Variants in HOXB6 observed in about 807,000 individuals in gnomAD.
The protein encoded by HOXB6 is homeobox B6.
Under a neutral mutation model 24.2 loss-of-function variants are expected in HOXB6, and 18 were observed. The ratio of observed to expected loss-of-function variants is 0.74; its 90% confidence interval spans 0.51 to 1.10. HOXB6 has a LOEUF of 1.10. Among genes scored for constraint, HOXB6 ranks in the 50% least tolerant of loss-of-function variants. HOXB6 has a pLI of 0.00. For missense variants in HOXB6, 332 were observed against 308.3 expected (o/e 1.08, Z -0.58); for synonymous variants, 159 against 139.1 (o/e 1.14, Z -1.01).
At chr17:48,601,287 A>AAAATATTTC (rs2070456153) in intron 2 of HOXB6, 1 of 152,120 alleles carries the variant, frequency 6.6e-6, no homozygotes, top group African/African-American at 2.4e-5. Context: ...TGTTTAGATG[A>AAAATATTTC]GACACTTTGC....
intron 2 of HOXB6, chr17:48,602,398 G>A (rs2070489817): frequency 2.7e-6 from 1 of 365,690 alleles, no homozygotes; most frequent in Admixed American, 3.6e-5. Flanking sequence ...GGTGGGGATG[G>A]CGGTGGGGGT....
In HOXB6 at chr17:48,596,824, C is replaced by A; in HGVS notation, c.416-152G>T. On this transcript the variant is annotated intron_variant, in intron 3 of 3. Transcript: ENST00000225648. This position sits in a 1 kb window ranked among gnomAD's most constrained non-coding sequence, Gnocchi z 4.8. ...CCGTTTCGCACTCCTCCAGCGCCCC[C>A]TCCAGATTCCCTCCTAGTCTCCTAG... 1 of 1,335,340 alleles carries A rather than the reference C, an allele frequency of 7.5e-7. No individual in the cohort carries two copies. The highest frequency in any genetic ancestry group is 1.0e-6 in the Non-Finnish European group (1 of 970,798). 82.7% of individuals were successfully genotyped at this position (1,335,340 alleles called of 1,614,324 possible).
In HOXB6 at chr17:48,598,184, C is replaced by A; in HGVS notation, c.-34G>T. The A allele has an allele frequency of 1.3e-6, 2 of 1,537,678 alleles. No individual in the cohort carries two copies. Among genetic ancestry groups the A allele is most frequent in the South Asian group, 1.2e-5 (1 of 80,148 alleles). On this transcript the variant is annotated 5_prime_UTR_variant, in exon 3 of 4. Coordinates refer to ENST00000225648, the MANE Select transcript of HOXB6 (RefSeq NM_018952.5). ...GAGGCGCGCGCGGCCGCTGCTGCTC[C>A]GCCGGGTTTATGATTTGTTGTGTTT...
intron 2 of HOXB6, among the ~76,000 whole-genome samples, chr17:48,600,011 T>A (rs893556471): frequency 5.9e-5 from 9 of 152,234 alleles, no homozygotes; most frequent in African/African-American, 2.2e-4. Context: ...TGGCTGTACC[T>A]TAATGGCAAA....
In HOXB6 at chr17:48,596,881, G is replaced by A. The variant is rs2070313146; in HGVS notation, c.416-209C>T. 2.4e-6 allele frequency: 3 copies of A among 1,229,518 alleles called. No individual in the cohort carries two copies. Among genetic ancestry groups the A allele is most frequent in the South Asian group, 1.6e-5 (1 of 64,028 alleles). The allele number at this position is 1,229,518 out of a possible 1,614,324, so 76.2% of individuals were successfully genotyped here. On this transcript the variant is annotated intron_variant, in intron 3 of 3. Coordinates refer to ENST00000225648, the MANE Select transcript of HOXB6 (RefSeq NM_018952.5). The surrounding 1 kb of genome is among the most constrained non-coding windows in gnomAD (Gnocchi z 4.8). ...GCCGTCTGTCTAGACTCTAGATGGG[G>A]GAGGGGAGGAGCAGTTTGAACTCCC...
chr17:48,598,697 G>A (rs578160757), intron 2 of HOXB6, among the ~76,000 whole-genome samples: 56 of 152,360 alleles, frequency 3.7e-4, no homozygotes, highest in Middle Eastern at 3.4e-3. Flanking sequence ...GAATCGCCTT[G>A]AGAGAGAACT....
chr17:48,602,337 C>T, intron 2 of HOXB6: 1 of 409,802 alleles, frequency 2.4e-6, no homozygotes, highest in Non-Finnish European at 4.9e-6. Flanking sequence ...ACAGCCTTGG[C>T]TTCGGATGTC....
Position 48,596,637 on chromosome 17 carries a change from G to C in HOXB6, c.451C>G (p.Gln151Glu). Residue 151 changes from glutamine (Q) to glutamate (E), a missense_variant, in exon 4 of 4, where the codon CAG becomes GAG. Gln to Glu is a conservative substitution (Grantham distance 29). Coordinates refer to ENST00000225648, the MANE Select transcript of HOXB6 (RefSeq NM_018952.5). The surrounding 1 kb of genome is among the most constrained non-coding windows in gnomAD (Gnocchi z 4.8). ...AGCGTCTGGTAACGTGTGTATGTCT[G>C]GCGGCCTCGCCGGCCGCTGGGCCCA... is the stretch of plus-strand genomic sequence containing the variant. ...SFGPSGRRGR[Q>E]TYTRYQTLEL... 6.2e-7 allele frequency: 1 copy of C among 1,613,952 alleles called. No individual in the cohort carries two copies. The highest frequency in any genetic ancestry group is 8.5e-7 in the Non-Finnish European group (1 of 1,180,038).
At chr17:48,600,079 G>GAT (rs2070421899) in intron 2 of HOXB6, among the ~76,000 whole-genome samples, 1 of 152,196 alleles carries the variant, frequency 6.6e-6, no homozygotes, top group Admixed American at 6.5e-5. Flanking sequence ...GGGAGTGTTT[G>GAT]ATAAGCATTT....
At chr17:48,598,544 C>T (rs573603029) in intron 2 of HOXB6, among the ~76,000 whole-genome samples, 1 of 152,210 alleles carries the variant, frequency 6.6e-6, no homozygotes, top group South Asian at 2.1e-4. Context: ...TAGATTGAGA[C>T]CACCCCACTC....
At position 48,596,552 on chromosome 17, in the gene HOXB6, A is replaced by G; in HGVS notation, c.536T>C (p.Ile179Thr). ...RYLTRRRRIE[I>T]AHALCLTERQ... ...CTCCGTCAGGCACAGGGCGTGCGCG[A>G]TCTCGATGCGCCGCCGCCGCGTCAG... Residue 179 changes from isoleucine to threonine, a missense_variant, in exon 4 of 4, where the codon ATC becomes ACC. Ile to Thr is a moderately conservative substitution (Grantham distance 89). Coordinates refer to ENST00000225648, the MANE Select transcript of HOXB6 (RefSeq NM_018952.5). This position sits in a 1 kb window ranked among gnomAD's most constrained non-coding sequence, Gnocchi z 4.8. 6.2e-7 allele frequency: 1 copy of G among 1,614,168 alleles called. No individual in the cohort carries two copies. The highest frequency in any genetic ancestry group is 8.5e-7 in the Non-Finnish European group (1 of 1,180,048).
At chr17:48,599,154 A>C (rs922565414) in intron 2 of HOXB6, among the ~76,000 whole-genome samples, 1 of 152,218 alleles carries the variant, frequency 6.6e-6, no homozygotes, top group Non-Finnish European at 1.5e-5. Context: ...GGTATCCCTC[A>C]GCCTAGGTGG....
chr17:48,602,654 C>T (rs1417116884), intron 2 of HOXB6: 1 of 171,222 alleles, frequency 5.8e-6, no homozygotes, highest in Non-Finnish European at 1.3e-5. Flanking sequence ...CGAAATCCCC[C>T]GAATCCCGTG....
At chr17:48,601,031 G>C (rs2070450500) in intron 2 of HOXB6, among the ~76,000 whole-genome samples, 1 of 151,354 alleles carries the variant, frequency 6.6e-6, no homozygotes, top group Non-Finnish European at 1.5e-5. Flanking sequence ...GTGTGGTGTG[G>C]TGTGTGTGGG....
At chr17:48,602,672 C>G (rs1396305336) in intron 2 of HOXB6, among the ~76,000 whole-genome samples, 1 of 152,132 alleles carries the variant, frequency 6.6e-6, no homozygotes, top group Non-Finnish European at 1.5e-5. Context: ...GTGGACCCTG[C>G]GAGGCCGGGG....
At chr17:48,601,716 TC>T (rs2070468074) in intron 2 of HOXB6, 1 of 185,270 alleles carries the variant, frequency 5.4e-6, no homozygotes, top group Non-Finnish European at 1.1e-5. Context: ...CCCCTTAACC[TC>T]GTCAGCTCCT....
intron 2 of HOXB6, among the ~76,000 whole-genome samples, chr17:48,600,115 T>C (rs2070422895): frequency 6.6e-6 from 1 of 151,910 alleles, no homozygotes; most frequent in African/African-American, 2.4e-5. Context: ...AACCCCCTGA[T>C]AATGAAGAAG....
Position 48,597,991 on chromosome 17 carries a change from C to T in HOXB6, c.160G>A (p.Ala54Thr). The T allele has an allele frequency of 6.3e-7, 1 of 1,591,760 alleles. No individual in the cohort carries two copies. Among genetic ancestry groups the T allele is most frequent in the Non-Finnish European group, 8.6e-7 (1 of 1,169,360 alleles). The change falls in exon 3 of 4, where the codon GCC becomes ACC. Residue 54 changes from alanine to threonine, a missense_variant. Transcript: ENST00000225648. ...GCCGGCGGGTAATAGGAGGAAGTGG[C>T]AAAGCCCTTGTCCTGGCCCGGCCCT... ...GPGPGQDKGF[A>T]TSSYYPPAGG...
rs12949454 is a variant in HOXB6 at position 48,595,810 on chromosome 17, C to T, written c.*603G>A. Reference sequence around the variant, plus strand: ...TTGTTATTATTATTATTATTATCATCATCATCATCATCATCATCATCGAAG... The same window carrying T: ...TTGTTATTATTATTATTATTATCATTATCATCATCATCATCATCATCGAAG... On this transcript the variant is annotated 3_prime_UTR_variant, in exon 4 of 4. Coordinates refer to ENST00000225648, the MANE Select transcript of HOXB6 (RefSeq NM_018952.5). 207 of 181,334 alleles carry T rather than the reference C, an allele frequency of 1.1e-3. No individual in the cohort carries two copies. The highest frequency in any genetic ancestry group is 6.2e-3 in the African/African-American group (200 of 32,102). 11.2% of individuals were successfully genotyped at this position (181,334 alleles called of 1,614,324 possible). A position where few individuals can be genotyped will look rare whatever the true frequency, so the allele number is the denominator to read the frequency against.
Sources: allele counts gnomAD v4.1 joint callset (sites outside exome capture counted in the v4.1 genomes callset), GRCh38; gene constraint gnomAD v4.1.1; non-coding constraint Gnocchi (gnomAD v3.1); transcripts MANE v1.5; gene names NCBI Gene and HGNC (gene_info 2026-07-23, HGNC 2026-07-21).